MYOM2: variants seen among roughly 807,000 people sequenced by gnomAD.
MYOM2 encodes myomesin 2, also known as myomesin-2.
MYOM2 carries 254 observed loss-of-function variants against 187.6 expected under a neutral mutation model. The ratio of observed to expected loss-of-function variants is 1.35; its 90% CI spans 1.22 to 1.50. The LOEUF is 1.50. Among genes scored for constraint, MYOM2 ranks in the 40% most tolerant of loss-of-function variants. The pLI, the probability that MYOM2 is intolerant of heterozygous loss-of-function variation, is 0.00. For missense variants in MYOM2, 2,796 were observed against 1,924.0 expected (o/e 1.45, Z -8.48); for synonymous variants, 981 against 753.8 (o/e 1.30, Z -4.94).
chr8:2,106,637 A>G (rs1796903547), intron 23 of MYOM2, 40 bp downstream of exon 23: 1 of 1,431,440 alleles, frequency 7.0e-7, no homozygotes, highest in Non-Finnish European at 9.6e-7. Flanking sequence ...TTTTGGTTTT[A>G]TCACACTTTC....
At position 2,102,729 on chromosome 8, in the gene MYOM2, C is replaced by T. The variant is rs2294071; in HGVS notation, c.2682C>T (p.Gly894=). ...VFRVRAVNAN[G]VGKPSDTSEP... is the part of the protein sequence containing the mutation. ...GGGTCCGGGCAGTCAATGCAAATGGCGTGGGGAAGCCCTCAGACACGTCGG... is the reference window on the plus strand; with the variant it reads ...GGGTCCGGGCAGTCAATGCAAATGGTGTGGGGAAGCCCTCAGACACGTCGG... The change falls in exon 21 of 37, where the codon GGC becomes GGT. Residue 894 remains glycine, a synonymous_variant. Coordinates refer to ENST00000262113, the MANE Select transcript of MYOM2 (RefSeq NM_003970.4). 0.07 allele frequency: 113,262 copies of T among 1,613,688 alleles called. 4,774 individuals carry two copies. Among genetic ancestry groups the T allele is most frequent in the South Asian group, 0.15 (13,903 of 90,998 alleles).
chr8:2,048,909 C>T (rs1818393537), intron 1 of MYOM2, among the ~76,000 whole-genome samples: 1 of 151,970 alleles, frequency 6.6e-6, no homozygotes, highest in Non-Finnish European at 1.5e-5. Flanking sequence ...CCTGCCTCAG[C>T]CTCCCGAGTA....
chr8:2,136,574 T>G (rs1798078623), intron 32 of MYOM2, among the ~76,000 whole-genome samples: 1 of 152,194 alleles, frequency 6.6e-6, no homozygotes, highest in Non-Finnish European at 1.5e-5. Flanking sequence ...ACTTGAATGA[T>G]AAGTCACTCC....
chr8:2,126,771 A>G (rs1354602745), intron 31 of MYOM2, among the ~76,000 whole-genome samples: 98 of 15,284 alleles, frequency 6.4e-3, no homozygotes, highest in Admixed American at 9.3e-3. Flanking sequence ...GGGGAGTACT[A>G]GGAGAGGCTG....
rs1224590160 is a variant in MYOM2, at chr8:2,106,351, G to C, written c.2844G>C (p.Glu948Asp). The C allele has an allele frequency of 6.2e-7, 1 of 1,614,146 alleles. No individual in the cohort carries two copies. The highest frequency in any genetic ancestry group is 1.3e-5 in the African/African-American group (1 of 75,052). Reference protein sequence around the residue: ...ASQFTWCKSYEEISDDERFKI... With the variant: ...ASQFTWCKSYDEISDDERFKI... ...AGTTCACCTGGTGTAAATCCTACGA[G>C]GAGATTTCAGATGATGAGAGGTTTA... The change falls in exon 22 of 37, where the codon GAG becomes GAC. Residue 948 changes from glutamate (E) to aspartate (D), a missense_variant. Transcript: ENST00000262113.
intron 31 of MYOM2, among the ~76,000 whole-genome samples, chr8:2,128,848 G>C (rs933854351): frequency 1.3e-5 from 2 of 152,206 alleles, no homozygotes; most frequent in African/African-American, 2.4e-5. Context: ...AAGCAAAGCT[G>C]CTGAGGGGCA....
At chr8:2,123,487 G>A in intron 29 of MYOM2, 68 bp from the exon 30 acceptor site, 1 of 1,484,092 alleles carries the variant, frequency 6.7e-7, no homozygotes, top group Non-Finnish European at 9.4e-7. Flanking sequence ...AAATGTATTA[G>A]AGTTTATTAC....
At chr8:2,139,471 A>G (rs1261068017) in intron 32 of MYOM2, among the ~76,000 whole-genome samples, 1 of 152,150 alleles carries the variant, frequency 6.6e-6, no homozygotes, top group Non-Finnish European at 1.5e-5. Context: ...GGCTTAACAT[A>G]TATTTGTTGA....
Position 2,102,540 on chromosome 8 carries a change from G to C in MYOM2, c.2620-127G>C, listed in dbSNP as rs1438635504. On this transcript the variant is annotated intron_variant, in intron 20 of 36. Transcript: ENST00000262113. ...CTTCCCTCCTTTTCTAACTCATTAA[G>C]TATCATTTTCCTAACTGGAAAAATA... 2.4e-5 allele frequency: 14 copies of C among 591,002 alleles called. No homozygotes were observed. In the East Asian group the frequency reaches 3.3e-4, roughly 14 times the overall value. The allele number at this position is 591,002 out of a possible 1,614,324, so 36.6% of individuals were successfully genotyped here. A position where few individuals can be genotyped will look rare whatever the true frequency, so the allele number is the denominator to read the frequency against.
At chr8:2,047,817 G>C (rs1041855883) in intron 1 of MYOM2, among the ~76,000 whole-genome samples, 1 of 152,222 alleles carries the variant, frequency 6.6e-6, no homozygotes, top group Non-Finnish European at 1.5e-5. Context: ...GCCTTGCTAA[G>C]CACTACAAAG....
chr8:2,126,958 G>A (rs1013497821), intron 31 of MYOM2, among the ~76,000 whole-genome samples: 2 of 148,472 alleles, frequency 1.3e-5, no homozygotes, highest in African/African-American at 5.0e-5. Flanking sequence ...GGGGAGGATG[G>A]GGAAGCACTG....
chr8:2,096,544 G>A, intron 18 of MYOM2, 110 bp downstream of exon 18: 1 of 1,010,930 alleles, frequency 9.9e-7, no homozygotes, highest in African/African-American at 1.6e-5. Context: ...ACACAAAAAT[G>A]GATTAAAAAA....
chr8:2,110,175 T>A (rs886086823), intron 25 of MYOM2, among the ~76,000 whole-genome samples: 1 of 152,140 alleles, frequency 6.6e-6, no homozygotes, highest in African/African-American at 2.4e-5. Context: ...CTTAAGAAAT[T>A]AGTTGGGCAT....
chr8:2,140,927 A>C, intron 33 of MYOM2, 41 bp downstream of exon 33: 1 of 1,563,044 alleles, frequency 6.4e-7, no homozygotes, highest in Non-Finnish European at 8.7e-7. Context: ...TTTCCTATTT[A>C]GAAATCCATT....
chr8:2,115,269 C>T (rs1797202746), intron 25 of MYOM2, among the ~76,000 whole-genome samples: 1 of 151,818 alleles, frequency 6.6e-6, no homozygotes, highest in Non-Finnish European at 1.5e-5. Flanking sequence ...AATAAGTAAA[C>T]ATCACAAAAT....
rs148507317 is a variant in MYOM2, at chr8:2,085,267, C to T, written c.1521C>T (p.Asp507=). The change falls in exon 14 of 37, where the codon GAC becomes GAT. Residue 507 remains aspartate, a synonymous_variant. Transcript: ENST00000262113. Reference sequence around the variant, plus strand: ...CCGAATTTATTATTCCTCCAGGTGACGCCCAGGTTCCAGGGCCTCCCACCG... The same window carrying T: ...CCGAATTTATTATTCCTCCAGGTGATGCCCAGGTTCCAGGGCCTCCCACCG... ...IAIYQDDLEG[D]AQVPGPPTGV... The T allele has an allele frequency of 1.3e-4, 214 of 1,613,944 alleles. No homozygotes were observed. Among genetic ancestry groups the T allele is most frequent in the Middle Eastern group, 6.6e-4 (4 of 6,060 alleles).
At chr8:2,068,443 A>C (rs902118037) in intron 6 of MYOM2, among the ~76,000 whole-genome samples, 8 of 149,042 alleles carry the variant, frequency 5.4e-5, no homozygotes, top group Admixed American at 4.0e-4. Flanking sequence ...ACAGCTCTTC[A>C]ATGCCCGTGT....
Position 2,085,368 on chromosome 8 carries a change from C to A in MYOM2, c.1622C>A (p.Pro541Gln). 1 of 1,612,938 alleles carries A rather than the reference C, an allele frequency of 6.2e-7. No individual in the cohort carries two copies. Among genetic ancestry groups the A allele is most frequent in the Non-Finnish European group, 8.5e-7 (1 of 1,179,674 alleles). Residue 541 changes from proline to glutamine, a missense_variant, in exon 14 of 37, where the codon CCG becomes CAG. By Grantham distance (76) the Pro-to-Gln change is moderately conservative. Coordinates refer to ENST00000262113, the MANE Select transcript of MYOM2 (RefSeq NM_003970.4). ...WEPPTPRGKD[P>Q]LMYFIEKSVV... ...CCACCCACTCCCCGTGGCAAGGACC[C>A]GCTCATGTACTTCATTGAGAAGGTA... is the stretch of plus-strand genomic sequence containing the variant.
Position 2,051,599 on chromosome 8 carries a change from G to T in MYOM2, c.108-559G>T, listed in dbSNP as rs73184801. On this transcript the variant is annotated intron_variant, in intron 2 of 36. Transcript: ENST00000262113. Reference sequence around the variant, plus strand: ...GTTGCCATCCCTTGTGCCAAACAAAGCCAAACATTTGCAGCCCCTCCCAGC... The same window carrying T: ...GTTGCCATCCCTTGTGCCAAACAAATCCAAACATTTGCAGCCCCTCCCAGC... 4.1e-3 allele frequency among the ~76,000 whole-genome samples: 625 copies of T among 152,316 alleles called. 8 individuals carry two copies. The highest frequency in any genetic ancestry group is 9.1e-3 in the South Asian group (44 of 4,826).
Sources: gnomAD v4.1 joint callset for allele counts (sites outside exome capture counted in the v4.1 genomes callset) on GRCh38, gnomAD v4.1.1 for gene constraint, MANE v1.5 for transcripts, NCBI Gene and HGNC (gene_info 2026-07-23, HGNC 2026-07-21) for gene names.